WDR64: variants seen among roughly 807,000 people sequenced by gnomAD.
The protein encoded by WDR64 is WD repeat domain 64.
WDR64 carries 112 observed loss-of-function variants against 139.3 expected under a neutral mutation model. The ratio of observed to expected loss-of-function variants is 0.80; its 90% CI spans 0.69 to 0.94. The LOEUF (loss-of-function observed/expected upper bound fraction) is 0.94, where lower values mean the gene tolerates loss of function less well. WDR64 is among the 40% of genes least tolerant of loss of function. The pLI is 0.00. For synonymous variants in WDR64, 444 were observed against 437.7 expected, an observed-to-expected ratio of 1.01 and a Z score of -0.18; for missense variants, 1,206 against 1,293.1, an observed-to-expected ratio of 0.93 and a Z score of 1.03.
chr1:241,770,903 AT>A (rs1289409880), intron 18 of WDR64, among the ~76,000 whole-genome samples: 1 of 152,120 alleles, frequency 6.6e-6, no homozygotes, highest in African/African-American at 2.4e-5. Context: ...ATTTTTATAT[AT>A]TTTTTCAAAG....
intron 9 of WDR64, among the ~76,000 whole-genome samples, chr1:241,714,521 T>C (rs1261317070): frequency 6.6e-6 from 1 of 152,188 alleles, no homozygotes; most frequent in Non-Finnish European, 1.5e-5. Flanking sequence ...GAAGTGCCTA[T>C]ATTGCTAAAT....
chr1:241,783,223 T>C, intron 22 of WDR64, 49 bp from the exon 23 acceptor site: 1 of 1,480,188 alleles, frequency 6.8e-7, no homozygotes, highest in South Asian at 1.2e-5. Flanking sequence ...ATTACATTTT[T>C]ACTAGCATAT....
intron 19 of WDR64, among the ~76,000 whole-genome samples, chr1:241,772,165 CTGTA>C: frequency 6.7e-6 from 1 of 148,600 alleles, no homozygotes; most frequent in Non-Finnish European, 1.5e-5. Context: ...ATACACCATT[CTGTA>C]TGTATAAGAT....
At chr1:241,761,871 C>G (rs1013931306) in intron 15 of WDR64, among the ~76,000 whole-genome samples, 9 of 152,158 alleles carry the variant, frequency 5.9e-5, no homozygotes, top group African/African-American at 1.9e-4. Flanking sequence ...CAGCAAGTTA[C>G]GCTTCGCTTC....
chr1:241,721,288 G>C (rs910342559), intron 9 of WDR64, among the ~76,000 whole-genome samples: 1 of 151,902 alleles, frequency 6.6e-6, no homozygotes, highest in Non-Finnish European at 1.5e-5. Flanking sequence ...GCTCTTTTTT[G>C]GTTCCACTTA....
intron 8 of WDR64, among the ~76,000 whole-genome samples, chr1:241,699,674 A>C (rs1667634129): frequency 6.6e-6 from 1 of 152,206 alleles, no homozygotes; most frequent in Non-Finnish European, 1.5e-5. Flanking sequence ...AAAACAACTG[A>C]GAGGTAGCAG....
chr1:241,763,875 T>G (rs909283112), intron 15 of WDR64, among the ~76,000 whole-genome samples: 1 of 152,172 alleles, frequency 6.6e-6, no homozygotes, highest in Non-Finnish European at 1.5e-5. Context: ...ACCTGCACTG[T>G]AGAAGTACAG....
intron 14 of WDR64, among the ~76,000 whole-genome samples, chr1:241,750,401 C>T (rs916278618): frequency 6.6e-6 from 1 of 152,162 alleles, no homozygotes; most frequent in Non-Finnish European, 1.5e-5. Context: ...GCACAGCAAT[C>T]ATGAAGCACC....
rs146490101 is a variant in WDR64, at chr1:241,734,031, A to G, written c.1195-4332A>G. Reference sequence around the variant, plus strand: ...AATCACTAAGCTAAAGGGAAAAGTCAATCTGGGAACTGCTTAGGGCAAACT... The same window carrying G: ...AATCACTAAGCTAAAGGGAAAAGTCGATCTGGGAACTGCTTAGGGCAAACT... On this transcript the variant is annotated intron_variant, in intron 10 of 27. Coordinates refer to ENST00000437684, the MANE Select transcript of WDR64 (RefSeq NM_001367482.1). 9.6e-3 allele frequency among the ~76,000 whole-genome samples: 1,457 copies of G among 152,268 alleles called. 26 individuals are homozygous for G. Among genetic ancestry groups the G allele is most frequent in the African/African-American group, 0.034 (1,394 of 41,550 alleles).
intron 8 of WDR64, among the ~76,000 whole-genome samples, chr1:241,688,949 A>G (rs1057046174): frequency 6.6e-6 from 1 of 152,144 alleles, no homozygotes; most frequent in Non-Finnish European, 1.5e-5. Context: ...GTGCCAGAAC[A>G]TGTTGTTCTT....
intron 8 of WDR64, among the ~76,000 whole-genome samples, chr1:241,705,394 T>TC (rs1667899931): frequency 6.6e-6 from 1 of 151,224 alleles, no homozygotes; most frequent in Non-Finnish European, 1.5e-5. Flanking sequence ...ACAAAAAAAA[T>TC]AGCAGGGCAT....
intron 15 of WDR64, among the ~76,000 whole-genome samples, chr1:241,763,437 C>G (rs557685190): frequency 2.0e-5 from 3 of 152,304 alleles, no homozygotes; most frequent in Non-Finnish European, 4.4e-5. Flanking sequence ...CGGCCAGGCA[C>G]AGTGGCTCAC....
intron 10 of WDR64, among the ~76,000 whole-genome samples, chr1:241,737,005 T>C (rs1165055283): frequency 6.6e-6 from 1 of 152,200 alleles, no homozygotes; most frequent in East Asian, 1.9e-4. Context: ...AAAAACAGTT[T>C]GCATAGAAAC....
chr1:241,765,911 T>C (rs566482430), intron 15 of WDR64, among the ~76,000 whole-genome samples: 1 of 152,302 alleles, frequency 6.6e-6, no homozygotes, highest in East Asian at 1.9e-4. Context: ...ACGTAGAATA[T>C]TCTTTCAACA....
intron 14 of WDR64, among the ~76,000 whole-genome samples, chr1:241,750,655 A>G (rs1182916906): frequency 6.6e-6 from 1 of 152,224 alleles, no homozygotes; most frequent in African/African-American, 2.4e-5. Context: ...AAGGGCTGCA[A>G]AAAGTAGCAT....
In WDR64 at chr1:241,730,781, A is replaced by C. The variant is rs115539844; in HGVS notation, c.1194+7345A>C. 2.7e-3 allele frequency among the ~76,000 whole-genome samples: 405 copies of C among 152,314 alleles called. 1 individual carries two copies. Among genetic ancestry groups the C allele is most frequent in the African/African-American group, 8.9e-3 (370 of 41,556 alleles). On this transcript the variant is annotated intron_variant, in intron 10 of 27. Transcript: ENST00000437684. Reference sequence around the variant, plus strand: ...TTTTGATGTAATCTTTGTCAAAAAGAAGCTAAAAATCTAGTTGAGTAAATA... The same window carrying C: ...TTTTGATGTAATCTTTGTCAAAAAGCAGCTAAAAATCTAGTTGAGTAAATA...
chr1:241,768,102 A>G (rs1194567704), intron 16 of WDR64, among the ~76,000 whole-genome samples: 1 of 152,228 alleles, frequency 6.6e-6, no homozygotes, highest in Non-Finnish European at 1.5e-5. Flanking sequence ...AACACCCGTG[A>G]TAATAATCCC....
Position 241,674,931 on chromosome 1 carries a change from TCCTC to T in WDR64, c.483+194_483+197del, listed in dbSNP as rs1448461661. 8.8e-5 allele frequency among the ~76,000 whole-genome samples: 3 copies of T among 34,242 alleles called. 1 individual carries two copies. Among genetic ancestry groups the T allele is most frequent in the Non-Finnish European group, 2.4e-4 (3 of 12,404 alleles). The allele number at this position is 34,242 out of a possible 152,430, so 22.5% of individuals were successfully genotyped here. A position where few individuals can be genotyped will look rare whatever the true frequency, so the allele number is the denominator to read the frequency against. On this transcript the variant is annotated intron_variant, in intron 4 of 27. Coordinates refer to ENST00000437684, the MANE Select transcript of WDR64 (RefSeq NM_001367482.1). ...CTTATTCCTTCCTTCCTTCTTTCCT[TCCTC>T]CCTCCCTCCTTCCTTCCTCTCTCCT...
chr1:241,703,091 T>C lies in WDR64; in HGVS notation c.975-8711T>C, dbSNP rs10926542. Among the ~76,000 whole-genome samples the C allele has an allele frequency of 0.21, 31,678 of 152,148 alleles. 4,011 individuals carry two copies. Among genetic ancestry groups the C allele is most frequent in the Admixed American group, 0.37 (5,656 of 15,268 alleles). ...CTGAGGCATTCTGAAATTTCTTTCC[T>C]CTTATATCATAAAGGAGAAAAGAGA... On this transcript the variant is annotated intron_variant, in intron 8 of 27. Transcript: ENST00000437684. The surrounding 1 kb of genome is among the most constrained non-coding windows in gnomAD (Gnocchi z 5.9).
Sources: allele counts gnomAD v4.1 joint callset (sites outside exome capture counted in the v4.1 genomes callset), GRCh38; gene constraint gnomAD v4.1.1; non-coding constraint Gnocchi (gnomAD v3.1); transcripts MANE v1.5; gene names NCBI Gene and HGNC (gene_info 2026-07-23, HGNC 2026-07-21).